MTUS2: variants seen among roughly 807,000 people sequenced by gnomAD.
The protein encoded by MTUS2 is microtubule-associated tumor suppressor candidate 2.
Under a neutral mutation model 114.1 loss-of-function variants are expected in MTUS2, and 40 were observed. The observed-to-expected ratio is 0.35, with a 90% CI of 0.27 to 0.46. MTUS2 has a LOEUF of 0.46. Among genes scored for constraint, MTUS2 ranks in the 20% least tolerant of loss-of-function variants. The probability of loss-of-function intolerance (pLI) is 1.00; values close to 1 mark genes in which losing one functional copy is unlikely to be tolerated. For synonymous variants in MTUS2, 688 were observed against 672.0 expected, an observed-to-expected ratio of 1.02 and a Z score of -0.37; for missense variants, 1,679 against 1,705.4, an observed-to-expected ratio of 0.98 and a Z score of 0.27.
intron 2 of MTUS2, among the ~76,000 whole-genome samples, chr13:28,942,868 T>G (rs112746547): frequency 1.3e-5 from 2 of 152,194 alleles, no homozygotes; most frequent in African/African-American, 2.4e-5. Flanking sequence ...ATGTGCTGTT[T>G]CCTGATTCCA....
intron 8 of MTUS2, among the ~76,000 whole-genome samples, chr13:29,422,828 C>T (rs1252478214): frequency 6.6e-6 from 1 of 151,924 alleles, no homozygotes; most frequent in Admixed American, 6.5e-5. Context: ...GACAGGGTTT[C>T]ACCCTGTTGG....
intron 2 of MTUS2, among the ~76,000 whole-genome samples, chr13:28,975,499 G>A (rs1884055007): frequency 2.8e-5 from 2 of 72,676 alleles, no homozygotes; most frequent in Non-Finnish European, 5.7e-5. Context: ...CGGCAGCATC[G>A]CCCTCCCCTG....
At chr13:29,204,888 C>T (rs1432758959) in intron 5 of MTUS2, among the ~76,000 whole-genome samples, 1 of 152,340 alleles carries the variant, frequency 6.6e-6, no homozygotes, top group South Asian at 2.1e-4. Context: ...AGGCCAGTGC[C>T]TCGCCAAATC....
intron 8 of MTUS2, among the ~76,000 whole-genome samples, chr13:29,402,317 T>C: frequency 6.6e-6 from 1 of 152,128 alleles, no homozygotes; most frequent in East Asian, 1.9e-4. Flanking sequence ...GAGTGCCTGC[T>C]TGAACCAAGC....
At chr13:29,307,294 G>A in intron 6 of MTUS2, 2 of 665,592 alleles carry the variant, frequency 3.0e-6, no homozygotes, top group Non-Finnish European at 5.5e-6. Flanking sequence ...TATCATGGAA[G>A]GACTCATGAC....
chr13:28,842,834 A>G (rs1363792944), intron 2 of MTUS2, among the ~76,000 whole-genome samples: 2 of 152,200 alleles, frequency 1.3e-5, no homozygotes, highest in Non-Finnish European at 2.9e-5. Flanking sequence ...TGCAGATGCT[A>G]GTAGCAGCCA....
intron 4 of MTUS2, among the ~76,000 whole-genome samples, chr13:29,069,074 A>T (rs1888792994): frequency 6.6e-6 from 1 of 152,150 alleles, no homozygotes; most frequent in South Asian, 2.1e-4. Flanking sequence ...AGGGTAGGGG[A>T]TGGAGAGAAG....
At chr13:28,833,606 G>A (rs1034113283) in intron 1 of MTUS2, among the ~76,000 whole-genome samples, 8 of 152,052 alleles carry the variant, frequency 5.3e-5, no homozygotes, top group Admixed American at 3.9e-4. Context: ...AGCTAACATC[G>A]TACTTGTGAA....
chr13:28,999,418 G>A (rs1885280979), intron 2 of MTUS2, among the ~76,000 whole-genome samples: 1 of 152,190 alleles, frequency 6.6e-6, no homozygotes, highest in South Asian at 2.1e-4. Context: ...CTTCAAAGCT[G>A]TCAGACAGGG....
chr13:29,201,728 G>C (rs545478901), intron 5 of MTUS2, among the ~76,000 whole-genome samples: 1 of 152,138 alleles, frequency 6.6e-6, no homozygotes, highest in Non-Finnish European at 1.5e-5. Context: ...GCATTTGCTC[G>C]TCTGTAAAGG....
At chr13:28,869,104 A>G (rs939711268) in intron 2 of MTUS2, among the ~76,000 whole-genome samples, 3 of 152,212 alleles carry the variant, frequency 2.0e-5, no homozygotes, top group Non-Finnish European at 2.9e-5. Flanking sequence ...TGATTTGATA[A>G]TCTGCACCCC....
chr13:29,301,161 C>A (rs1899188189), intron 6 of MTUS2, among the ~76,000 whole-genome samples: 1 of 152,116 alleles, frequency 6.6e-6, no homozygotes. Context: ...CCAGCTTGCC[C>A]CCCACCCCGA....
At chr13:28,965,606 A>G (rs1387589718) in intron 2 of MTUS2, among the ~76,000 whole-genome samples, 8 of 152,204 alleles carry the variant, frequency 5.3e-5, no homozygotes, top group Non-Finnish European at 1.0e-4. Context: ...ACACATATAT[A>G]CATATATGTG....
chr13:29,503,289 G>A lies in MTUS2; in HGVS notation c.*83G>A. 6.6e-7 allele frequency: 1 copy of A among 1,506,580 alleles called. No homozygotes were observed. The highest frequency in any genetic ancestry group is 9.1e-7 in the Non-Finnish European group (1 of 1,101,654). The allele number at this position is 1,506,580 out of a possible 1,614,324, so 93.3% of individuals were successfully genotyped here. A position where few individuals can be genotyped will look rare whatever the true frequency, so the allele number is the denominator to read the frequency against. On this transcript the variant is annotated 3_prime_UTR_variant, in exon 16 of 16. Coordinates refer to ENST00000612955, the MANE Select transcript of MTUS2 (RefSeq NM_001033602.4). ...GGAGCACCGACCCGGTGCCGCCGGA[G>A]CTGGCCCTGTGCGCATGCTCAGTAG... is the stretch of plus-strand genomic sequence containing the variant.
At chr13:29,154,913 C>A (rs1029239128) in intron 5 of MTUS2, among the ~76,000 whole-genome samples, 1 of 152,130 alleles carries the variant, frequency 6.6e-6, no homozygotes, top group African/African-American at 2.4e-5. Flanking sequence ...TAGCTATTGG[C>A]ACACAGACAT....
intron 1 of MTUS2, among the ~76,000 whole-genome samples, chr13:28,838,689 C>T (rs1428635146): frequency 1.3e-5 from 2 of 152,136 alleles, no homozygotes; most frequent in African/African-American, 4.8e-5. Flanking sequence ...TTTTGTCTTC[C>T]AGCCCTCAGC....
intron 2 of MTUS2, among the ~76,000 whole-genome samples, chr13:28,937,982 G>T (rs1335976187): frequency 6.6e-6 from 1 of 152,164 alleles, no homozygotes; most frequent in Admixed American, 6.5e-5. Context: ...TTATCCAGAG[G>T]TCCTGCATGC....
intron 2 of MTUS2, among the ~76,000 whole-genome samples, chr13:28,920,669 G>A (rs536675493): frequency 6.6e-5 from 10 of 152,248 alleles, no homozygotes; most frequent in Admixed American, 2.6e-4. Context: ...GCCCTGAGTG[G>A]GTCCAAAGAT....
chr13:29,259,121 G>A (rs1485873443), intron 5 of MTUS2, among the ~76,000 whole-genome samples: 4 of 152,148 alleles, frequency 2.6e-5, no homozygotes, highest in Admixed American at 6.5e-5. Context: ...AAAACAAAAA[G>A]TGAAAAAGAA....
Sources: gnomAD v4.1 joint callset for allele counts (sites outside exome capture counted in the v4.1 genomes callset) on GRCh38, gnomAD v4.1.1 for gene constraint, MANE v1.5 for transcripts, NCBI Gene and HGNC (gene_info 2026-07-23, HGNC 2026-07-21) for gene names.